Variants in DPP10 observed in about 807,000 individuals in gnomAD.
The protein encoded by DPP10 is inactive dipeptidyl peptidase 10.
In DPP10, 33 loss-of-function variants were observed where a neutral mutation model predicts 120.9. That is an observed-to-expected ratio of 0.27 (90% CI 0.21 to 0.37). The LOEUF (loss-of-function observed/expected upper bound fraction) is 0.37, where lower values mean the gene tolerates loss of function less well. Ranked by LOEUF, DPP10 falls within the 10% of genes least tolerant of loss-of-function variation. The probability of loss-of-function intolerance (pLI) is 1.00; values close to 1 mark genes in which losing one functional copy is unlikely to be tolerated. For synonymous variants in DPP10, 337 were observed against 326.1 expected (o/e 1.03, Z -0.36); for missense variants, 816 against 942.8 (o/e 0.87, Z 1.76).
chr2:115,306,342 G>A (rs2061359175), intron 1 of DPP10, among the ~76,000 whole-genome samples: 1 of 152,038 alleles, frequency 6.6e-6, no homozygotes, highest in Admixed American at 6.6e-5. Context: ...AACAGAATTA[G>A]GAATGGAATG....
At chr2:115,236,150 G>A (rs1190505866) in intron 1 of DPP10, among the ~76,000 whole-genome samples, 1 of 152,082 alleles carries the variant, frequency 6.6e-6, no homozygotes, top group African/African-American at 2.4e-5. Flanking sequence ...CTTTTTGCGT[G>A]TCTGACAGTA....
Position 114,868,945 on chromosome 2 carries a change from A to G in DPP10, c.60+426107A>G, listed in dbSNP as rs143681835. Among the ~76,000 whole-genome samples the G allele has an allele frequency of 2.5e-3, 385 of 152,274 alleles. 4 individuals carry two copies. The highest frequency in any genetic ancestry group is 8.8e-3 in the African/African-American group (364 of 41,562). Reference sequence around the variant, plus strand: ...TTTCTTTATCTGCAAGACTGGGGAAATAAGAATGCCTACCTCACAAGGGCA... The same window carrying G: ...TTTCTTTATCTGCAAGACTGGGGAAGTAAGAATGCCTACCTCACAAGGGCA... On this transcript the variant is annotated intron_variant, in intron 1 of 25. Transcript: ENST00000410059.
At chr2:114,739,418 G>A (rs181591295) in intron 1 of DPP10, among the ~76,000 whole-genome samples, 9 of 152,252 alleles carry the variant, frequency 5.9e-5, no homozygotes, top group African/African-American at 2.2e-4. Context: ...CAGCACTGTG[G>A]GAGGCCAAGA....
chr2:115,569,022 TCC>T (rs1282174178), intron 5 of DPP10, among the ~76,000 whole-genome samples: 1 of 152,228 alleles, frequency 6.6e-6, no homozygotes, highest in Non-Finnish European at 1.5e-5. Context: ...ATAACAAAGT[TCC>T]TTTCTTTGCT....
chr2:115,502,726 T>C (rs2076746123), intron 4 of DPP10, among the ~76,000 whole-genome samples: 1 of 152,178 alleles, frequency 6.6e-6, no homozygotes, highest in African/African-American at 2.4e-5. Context: ...AAGCTCTTGC[T>C]CTCTTGCCCA....
At chr2:115,766,235 G>C (rs1680692588) in intron 12 of DPP10, among the ~76,000 whole-genome samples, 2 of 148,578 alleles carry the variant, frequency 1.3e-5, no homozygotes, top group Admixed American at 1.4e-4. Flanking sequence ...ACTCATAATT[G>C]ATGAATAGAT....
chr2:114,933,454 A>C (rs959424826), intron 1 of DPP10, among the ~76,000 whole-genome samples: 1 of 152,226 alleles, frequency 6.6e-6, no homozygotes, highest in Non-Finnish European at 1.5e-5. Flanking sequence ...GTTTAGTGGA[A>C]GACACTGAGA....
intron 5 of DPP10, among the ~76,000 whole-genome samples, chr2:115,544,693 TGTCA>T (rs1223086969): frequency 2.0e-5 from 3 of 152,010 alleles, no homozygotes; most frequent in African/African-American, 2.4e-5. Context: ...TTTAGACTGG[TGTCA>T]CTCGCTGTTC....
chr2:114,677,606 A>G (rs913976138), intron 1 of DPP10, among the ~76,000 whole-genome samples: 6 of 152,140 alleles, frequency 3.9e-5, no homozygotes, highest in Non-Finnish European at 2.9e-5. Context: ...GAAACTGACA[A>G]GCAGGGATTA....
In DPP10 at chr2:114,735,593, A is replaced by G. The variant is rs1574069799; in HGVS notation, c.60+292755A>G. Among the ~76,000 whole-genome samples, 22 of 152,136 alleles carry G rather than the reference A, an allele frequency of 1.4e-4. No individual in the cohort carries two copies. The South Asian group carries it at 4.6e-3, about 32-fold the overall frequency. On this transcript the variant is annotated intron_variant, in intron 1 of 25. Transcript: ENST00000410059. ...TAATGACCAAGCAAATCCCCTTTCTATGAGCATAATGAAGGATTTTGCTTA... is the reference window on the plus strand; with the variant it reads ...TAATGACCAAGCAAATCCCCTTTCTGTGAGCATAATGAAGGATTTTGCTTA...
chr2:114,724,135 C>T (rs1298677588), intron 1 of DPP10, among the ~76,000 whole-genome samples: 1 of 152,164 alleles, frequency 6.6e-6, no homozygotes, highest in Non-Finnish European at 1.5e-5. Flanking sequence ...ATGTGAGCCC[C>T]TTTAAATTAT....
chr2:114,613,731 A>G lies in DPP10; in HGVS notation c.60+170893A>G, dbSNP rs147054829. 7.2e-3 allele frequency among the ~76,000 whole-genome samples: 1,089 copies of G among 152,304 alleles called. 11 individuals are homozygous for G. Among genetic ancestry groups the G allele is most frequent in the African/African-American group, 0.025 (1,031 of 41,566 alleles). The stretch of plus-strand genomic sequence containing the variant: ...TTGGAACCAACCCAAATGCCCATCA[A>G]TGAGAGACTGGATAATGAAAATGTG... On this transcript the variant is annotated intron_variant, in intron 1 of 25. Coordinates refer to ENST00000410059, the MANE Select transcript of DPP10 (RefSeq NM_020868.6).
intron 1 of DPP10, among the ~76,000 whole-genome samples, chr2:115,303,319 C>T (rs1343263128): frequency 1.3e-5 from 2 of 151,760 alleles, no homozygotes; most frequent in Non-Finnish European, 2.9e-5. Flanking sequence ...TTTGGAAACT[C>T]CTTGAAAGTT....
intron 1 of DPP10, among the ~76,000 whole-genome samples, chr2:114,842,810 A>G (rs1354385446): frequency 6.6e-6 from 1 of 152,064 alleles, no homozygotes; most frequent in African/African-American, 2.4e-5. Flanking sequence ...CATTCTTCAG[A>G]TGAGATTCTA....
chr2:115,404,432 GACA>G (rs1212134907), intron 3 of DPP10, among the ~76,000 whole-genome samples: 7 of 152,064 alleles, frequency 4.6e-5, no homozygotes, highest in Non-Finnish European at 1.0e-4. Flanking sequence ...TTTAGGTGGG[GACA>G]ACATCCAAAC....
At chr2:115,553,466 T>C (rs545358734) in intron 5 of DPP10, among the ~76,000 whole-genome samples, 2 of 152,146 alleles carry the variant, frequency 1.3e-5, no homozygotes, top group East Asian at 3.9e-4. Context: ...ATAGTTTTTC[T>C]CAAAAAATGT....
At position 114,632,572 on chromosome 2, in the gene DPP10, G is replaced by A. The variant is rs188084711; in HGVS notation, c.60+189734G>A. Among the ~76,000 whole-genome samples the A allele has an allele frequency of 7.2e-3, 1,024 of 143,202 alleles. 37 individuals are homozygous for A. The highest frequency in any genetic ancestry group is 0.067 in the Admixed American group (943 of 14,080). The allele number at this position is 143,202 out of a possible 152,430, so 93.9% of individuals were successfully genotyped here. On this transcript the variant is annotated intron_variant, in intron 1 of 25. Coordinates refer to ENST00000410059, the MANE Select transcript of DPP10 (RefSeq NM_020868.6). ...CTGTCACCCAGGCTGGAGTGTAGTG[G>A]TGCGATCTCGGCTCACTGCAAGCTC...
chr2:115,468,349 C>A (rs575620299), intron 3 of DPP10: 47 of 512,430 alleles, frequency 9.2e-5, no homozygotes, highest in South Asian at 4.8e-4. Flanking sequence ...ACTCCAATTG[C>A]TGGCTGCTTC....
intron 2 of DPP10, among the ~76,000 whole-genome samples, chr2:115,329,612 G>A (rs2062584504): frequency 6.6e-6 from 1 of 152,004 alleles, no homozygotes; most frequent in Non-Finnish European, 1.5e-5. Flanking sequence ...ACAGGCCCTG[G>A]TGTGTGATGT....
Sources: gnomAD v4.1 joint callset for allele counts (sites outside exome capture counted in the v4.1 genomes callset) on GRCh38, gnomAD v4.1.1 for gene constraint, MANE v1.5 for transcripts, NCBI Gene and HGNC (gene_info 2026-07-23, HGNC 2026-07-21) for gene names.